Variants in MSR1 observed in about 807,000 individuals in gnomAD.
MSR1 encodes macrophage scavenger receptor types I and II.
Under a neutral mutation model 47.2 loss-of-function variants are expected in MSR1, and 53 were observed. The ratio of observed to expected loss-of-function variants is 1.12; its 90% CI spans 0.90 to 1.41. MSR1 has a LOEUF of 1.41. MSR1 is among the 40% of genes most tolerant of loss of function. MSR1 has a pLI of 0.00. For missense variants in MSR1, 786 were observed against 546.9 expected (o/e 1.44, Z -4.36); for synonymous variants, 239 against 185.6 (o/e 1.29, Z -2.34).
At chr8:16,185,076 G>T (rs76958959) in intron 1 of MSR1, among the ~76,000 whole-genome samples, 2,860 of 151,904 alleles carry the variant, frequency 0.019, 79 homozygotes, top group African/African-American at 0.064. Flanking sequence ...ACCATGGGAA[G>T]TCTGTTTGCT....
At position 16,108,266 on chromosome 8, in the gene MSR1, A is replaced by G. The variant is rs1290692002; in HGVS notation, c.*1819T>C. On this transcript the variant is annotated 3_prime_UTR_variant, in exon 10 of 10. Coordinates refer to ENST00000262101, the MANE Select transcript of MSR1 (RefSeq NM_138715.3). ...AAAGGTAAATTTTATTTTAAAATAAAAATAGTAATAGTAATAGTACTATTA... is the reference window on the plus strand; with the variant it reads ...AAAGGTAAATTTTATTTTAAAATAAGAATAGTAATAGTAATAGTACTATTA... 2 of 150,888 alleles carry G rather than the reference A, an allele frequency of 1.3e-5. No individual in the cohort carries two copies. Among genetic ancestry groups the G allele is most frequent in the African/African-American group, 4.9e-5 (2 of 41,148 alleles). 9.3% of individuals were successfully genotyped at this position (150,888 alleles called of 1,614,324 possible).
chr8:16,175,364 G>C, intron 2 of MSR1, 64 bp from the exon 3 acceptor site: 2 of 1,289,430 alleles, frequency 1.6e-6, no homozygotes, highest in Non-Finnish European at 1.1e-6. Flanking sequence ...AATTAAAATT[G>C]TTTTAATCTC....
chr8:16,119,090 G>A (rs1799940383), intron 9 of MSR1, among the ~76,000 whole-genome samples: 1 of 152,120 alleles, frequency 6.6e-6, no homozygotes, highest in Admixed American at 6.5e-5. Flanking sequence ...GCCAGGGGCT[G>A]AAACTGGCTA....
intron 3 of MSR1, among the ~76,000 whole-genome samples, chr8:16,171,751 A>T (rs1424803983): frequency 1.3e-5 from 2 of 152,122 alleles, no homozygotes; most frequent in African/African-American, 4.8e-5. Context: ...TTTGATTATT[A>T]TTTCTTTTGA....
intron 1 of MSR1, 143 bp from the exon 2 acceptor site, chr8:16,178,135 G>A: frequency 1.6e-6 from 1 of 634,352 alleles, no homozygotes; most frequent in Non-Finnish European, 2.7e-6. Flanking sequence ...TTAAGCTCTA[G>A]GGTACATGTG....
chr8:16,110,874 C>T (rs1170638183), intron 9 of MSR1, among the ~76,000 whole-genome samples: 1 of 152,070 alleles, frequency 6.6e-6, no homozygotes, highest in Non-Finnish European at 1.5e-5. Context: ...AAAGGTTTTC[C>T]TGAGCTGATC....
intron 8 of MSR1, among the ~76,000 whole-genome samples, chr8:16,127,246 G>C (rs1279604856): frequency 6.6e-6 from 1 of 152,082 alleles, no homozygotes; most frequent in Non-Finnish European, 1.5e-5. Flanking sequence ...AGCCTCACGA[G>C]TCATTCTGAT....
chr8:16,186,529 C>G (rs1185895932), intron 1 of MSR1, among the ~76,000 whole-genome samples: 1 of 152,138 alleles, frequency 6.6e-6, no homozygotes, highest in South Asian at 2.1e-4. Flanking sequence ...AATCTCTCAT[C>G]CAACCCTGTT....
chr8:16,159,186 C>T (rs888431346), intron 5 of MSR1, among the ~76,000 whole-genome samples: 2 of 151,706 alleles, frequency 1.3e-5, no homozygotes, highest in African/African-American at 4.8e-5. Flanking sequence ...ATTTTCTCTA[C>T]TATAAAAATC....
At chr8:16,180,704 C>T (rs1801803508) in intron 1 of MSR1, among the ~76,000 whole-genome samples, 1 of 152,134 alleles carries the variant, frequency 6.6e-6, no homozygotes, top group African/African-American at 2.4e-5. Context: ...ATGTTCATCC[C>T]ACTGTGGGGA....
intron 6 of MSR1, among the ~76,000 whole-genome samples, chr8:16,151,404 C>A (rs1165171416): frequency 6.6e-6 from 1 of 151,942 alleles, no homozygotes; most frequent in Non-Finnish European, 1.5e-5. Flanking sequence ...AGTCATAGAC[C>A]TCTGTTCTTG....
intron 1 of MSR1, among the ~76,000 whole-genome samples, chr8:16,189,748 T>A (rs1269536905): frequency 1.7e-5 from 2 of 114,356 alleles, no homozygotes; most frequent in African/African-American, 7.6e-5. Flanking sequence ...TATAAAATCT[T>A]ATTTTATATA....
At chr8:16,184,835 A>C (rs1801948653) in intron 1 of MSR1, among the ~76,000 whole-genome samples, 1 of 152,078 alleles carries the variant, frequency 6.6e-6, no homozygotes, top group Non-Finnish European at 1.5e-5. Context: ...AAGTGATAAT[A>C]AATATTTTGT....
chr8:16,184,004 GT>G (rs1304970089), intron 1 of MSR1, among the ~76,000 whole-genome samples: 1 of 150,178 alleles, frequency 6.7e-6, no homozygotes, highest in East Asian at 1.9e-4. Context: ...ATGAATCAGG[GT>G]TTTGAAAATG....
intron 1 of MSR1, among the ~76,000 whole-genome samples, chr8:16,185,662 T>G (rs754690330): frequency 5.9e-5 from 9 of 152,092 alleles, no homozygotes; most frequent in Admixed American, 6.6e-5. Flanking sequence ...TATTCCAATT[T>G]TTGGACTTCG....
intron 8 of MSR1, among the ~76,000 whole-genome samples, chr8:16,138,467 T>G (rs77388248): frequency 0.018 from 2,793 of 152,314 alleles, 86 homozygotes; most frequent in African/African-American, 0.064. Context: ...GAACAGGGCA[T>G]TCAGCATCCA....
At chr8:16,151,913 G>C (rs909184744) in intron 6 of MSR1, among the ~76,000 whole-genome samples, 2 of 152,240 alleles carry the variant, frequency 1.3e-5, no homozygotes. Context: ...TTGACCTCAA[G>C]CAAGTCATTT....
At chr8:16,145,083 A>C (rs75746879) in intron 7 of MSR1, among the ~76,000 whole-genome samples, 3,960 of 152,154 alleles carry the variant, frequency 0.026, 191 homozygotes, top group African/African-American at 0.09. Flanking sequence ...ATTATTCCCA[A>C]TTGAAATTGT....
intron 1 of MSR1, among the ~76,000 whole-genome samples, chr8:16,190,727 C>CTTTCTT (rs1554476839): frequency 1.0e-4 from 15 of 146,786 alleles, no homozygotes; most frequent in African/African-American, 1.8e-4. Flanking sequence ...TTCTTTCTTT[C>CTTTCTT]TTTTTGTTTT....
Sources: allele counts gnomAD v4.1 joint callset (sites outside exome capture counted in the v4.1 genomes callset), GRCh38; gene constraint gnomAD v4.1.1; transcripts MANE v1.5; gene names NCBI Gene and HGNC (gene_info 2026-07-23, HGNC 2026-07-21).